Variants in IGSF11 observed in about 807,000 individuals in gnomAD.
IGSF11 encodes the protein immunoglobulin superfamily member 11, also known as CXADR like 1.
In IGSF11, 22 loss-of-function variants were observed where a neutral mutation model predicts 41.0. The ratio of observed to expected loss-of-function variants is 0.54; its 90% CI spans 0.38 to 0.77. The LOEUF (loss-of-function observed/expected upper bound fraction) is 0.77. Among genes scored for constraint, IGSF11 ranks in the 30% least tolerant of loss-of-function variants. The probability of loss-of-function intolerance (pLI) is 0.00; values close to 1 mark genes in which losing one functional copy is unlikely to be tolerated. For synonymous variants in IGSF11, 219 were observed against 201.3 expected (o/e 1.09, Z -0.74); for missense variants, 444 against 530.8 (o/e 0.84, Z 1.61).
At chr3:118,908,376 G>A (rs1275466534) in intron 4 of IGSF11, among the ~76,000 whole-genome samples, 1 of 152,120 alleles carries the variant, frequency 6.6e-6, no homozygotes, top group Non-Finnish European at 1.5e-5. Flanking sequence ...AAGGAGACAG[G>A]TACATTGATA....
intron 1 of IGSF11, among the ~76,000 whole-genome samples, chr3:118,968,272 TC>T (rs1932940101): frequency 6.6e-6 from 1 of 152,184 alleles, no homozygotes; most frequent in Admixed American, 6.5e-5. Flanking sequence ...AGAGTGACAT[TC>T]CTGTGTGCCT....
intron 1 of IGSF11, among the ~76,000 whole-genome samples, chr3:118,973,419 G>A (rs1411383797): frequency 6.6e-6 from 1 of 152,160 alleles, no homozygotes; most frequent in Non-Finnish European, 1.5e-5. Context: ...AGAATTTGGT[G>A]ACACCAGGGC....
At chr3:119,102,168 T>C (rs1316724772) in intron 1 of IGSF11, among the ~76,000 whole-genome samples, 1 of 152,244 alleles carries the variant, frequency 6.6e-6, no homozygotes, top group East Asian at 1.9e-4. Context: ...TGCCACTCCT[T>C]TTGCCATAAT....
At chr3:119,100,235 A>G (rs1301687818) in intron 1 of IGSF11, among the ~76,000 whole-genome samples, 1 of 152,240 alleles carries the variant, frequency 6.6e-6, no homozygotes, top group Non-Finnish European at 1.5e-5. Flanking sequence ...GTCAGTTTGA[A>G]GGCCACTGAT....
At chr3:119,092,002 G>GT (rs199966435) in intron 1 of IGSF11, among the ~76,000 whole-genome samples, 4,153 of 146,838 alleles carry the variant, frequency 0.028, 152 homozygotes, top group South Asian at 0.18. Flanking sequence ...TTGGGGGGGG[G>GT]GGGTTGGTGG....
intron 1 of IGSF11, among the ~76,000 whole-genome samples, chr3:119,055,023 TATCC>T (rs1941770939): frequency 6.6e-6 from 1 of 152,154 alleles, no homozygotes; most frequent in African/African-American, 2.4e-5. Context: ...GGTTCACCAA[TATCC>T]GTTGTTCTGC....
intron 4 of IGSF11, among the ~76,000 whole-genome samples, chr3:118,920,811 G>A (rs1941703368): frequency 6.6e-6 from 1 of 152,060 alleles, no homozygotes; most frequent in East Asian, 1.9e-4. Flanking sequence ...TAAAGATATA[G>A]CATATTGAAT....
intron 1 of IGSF11, among the ~76,000 whole-genome samples, chr3:119,013,921 A>C (rs1440691400): frequency 6.6e-6 from 1 of 152,240 alleles, no homozygotes; most frequent in Non-Finnish European, 1.5e-5. Context: ...TACGATATAC[A>C]TCTCAAAGTT....
intron 1 of IGSF11, among the ~76,000 whole-genome samples, chr3:119,127,523 G>T (rs2077420132): frequency 6.6e-6 from 1 of 152,066 alleles, no homozygotes; most frequent in Non-Finnish European, 1.5e-5. Context: ...CCCCAACTTT[G>T]CCAACATGCA....
At chr3:118,981,160 T>A (rs1401029354) in intron 1 of IGSF11, among the ~76,000 whole-genome samples, 1 of 152,164 alleles carries the variant, frequency 6.6e-6, no homozygotes, top group African/African-American at 2.4e-5. Flanking sequence ...TGCTTTGGCA[T>A]CCATTTTATT....
chr3:118,967,927 C>T (rs1945796053), intron 1 of IGSF11, among the ~76,000 whole-genome samples: 1 of 151,968 alleles, frequency 6.6e-6, no homozygotes, highest in Non-Finnish European at 1.5e-5. Flanking sequence ...GACACATTTG[C>T]CAATAACTTT....
At chr3:119,057,854 C>G (rs371363541) in intron 1 of IGSF11, among the ~76,000 whole-genome samples, 55 of 152,070 alleles carry the variant, frequency 3.6e-4, no homozygotes, top group Middle Eastern at 6.8e-3. Context: ...ACAAACCTGA[C>G]AAAAACAAGC....
chr3:119,039,361 CCTT>C (rs1476896763), upstream of IGSF11, among the ~76,000 whole-genome samples: 1 of 152,132 alleles, frequency 6.6e-6, no homozygotes, highest in Non-Finnish European at 1.5e-5. Context: ...CTCATGGTCC[CCTT>C]CTTCTATCTT....
intron 1 of IGSF11, among the ~76,000 whole-genome samples, chr3:119,046,641 GA>G (rs1341208582): frequency 6.6e-5 from 10 of 151,742 alleles, no homozygotes; most frequent in African/African-American, 2.4e-4. Flanking sequence ...GAAATACAGA[GA>G]ACACCACAAA....
chr3:119,094,510 A>G (rs2917078), intron 1 of IGSF11, among the ~76,000 whole-genome samples: 64,129 of 151,432 alleles, frequency 0.42, 14,491 homozygotes, highest in Non-Finnish European at 0.51. Context: ...CCAGGAAGGA[A>G]ATCCTGAAAA....
chr3:119,122,155 G>T (rs2077341823), intron 1 of IGSF11, among the ~76,000 whole-genome samples: 1 of 152,180 alleles, frequency 6.6e-6, no homozygotes. Flanking sequence ...GCACTGAAAA[G>T]GGCAGGAAAG....
intron 1 of IGSF11, among the ~76,000 whole-genome samples, chr3:119,122,033 T>C (rs1410426073): frequency 6.6e-6 from 1 of 152,182 alleles, no homozygotes; most frequent in Non-Finnish European, 1.5e-5. Flanking sequence ...TTGTCCCTCA[T>C]GTAGGAACAT....
At chr3:119,063,701 A>C (rs533613318) in intron 1 of IGSF11, among the ~76,000 whole-genome samples, 164 of 152,354 alleles carry the variant, frequency 1.1e-3, no homozygotes, top group Non-Finnish European at 2.1e-3. Context: ...ATCTAGAGAC[A>C]AGTCAGATGT....
chr3:119,140,295 T>C (rs986359734), intron 1 of IGSF11, among the ~76,000 whole-genome samples: 2 of 152,110 alleles, frequency 1.3e-5, no homozygotes, highest in African/African-American at 4.8e-5. Context: ...AAATATGCCA[T>C]GCATGAAGTA....
Sources: gnomAD v4.1 joint callset for allele counts (sites outside exome capture counted in the v4.1 genomes callset) on GRCh38, gnomAD v4.1.1 for gene constraint, MANE v1.5 for transcripts, NCBI Gene and HGNC (gene_info 2026-07-23, HGNC 2026-07-21) for gene names.